SLC35F1: variants seen among roughly 807,000 people sequenced by gnomAD.
SLC35F1 encodes solute carrier family 35 member F1.
A neutral mutation model predicts 48.7 loss-of-function variants in SLC35F1; 14 were observed. The ratio of observed to expected loss-of-function variants is 0.29; its 90% CI spans 0.19 to 0.45. The LOEUF is 0.45. SLC35F1 is among the 20% of genes least tolerant of loss of function. SLC35F1 has a pLI of 1.00. For missense variants in SLC35F1, 404 were observed against 500.0 expected (o/e 0.81, Z 1.83); for synonymous variants, 190 against 202.2 (o/e 0.94, Z 0.51).
At chr6:117,960,357 A>C (rs908893200) in intron 1 of SLC35F1, among the ~76,000 whole-genome samples, 2 of 151,742 alleles carry the variant, frequency 1.3e-5, no homozygotes, top group African/African-American at 4.8e-5. Context: ...AGAAATATGC[A>C]CATCTCACAT....
chr6:117,947,668 A>G (rs530139303), intron 1 of SLC35F1, among the ~76,000 whole-genome samples: 1 of 152,288 alleles, frequency 6.6e-6, no homozygotes, highest in East Asian at 1.9e-4. Context: ...AGTATGAGAC[A>G]AGAAGTGTTA....
At chr6:117,996,306 A>G (rs1776988627) in intron 1 of SLC35F1, among the ~76,000 whole-genome samples, 1 of 152,236 alleles carries the variant, frequency 6.6e-6, no homozygotes, top group African/African-American at 2.4e-5. Flanking sequence ...GTGCTAAATA[A>G]GAATTTCTTG....
intron 1 of SLC35F1, among the ~76,000 whole-genome samples, chr6:118,018,169 G>C (rs1777346853): frequency 6.6e-6 from 1 of 152,142 alleles, no homozygotes; most frequent in Non-Finnish European, 1.5e-5. Flanking sequence ...TCAGGAGTTT[G>C]AGACCTGCCT....
chr6:117,923,748 T>TAC lies in SLC35F1; in HGVS notation c.173+15851_173+15852dup, dbSNP rs1201497918. Among the ~76,000 whole-genome samples the TAC allele has an allele frequency of 3.2e-4, 21 of 65,078 alleles. 2 individuals are homozygous for TAC. Among genetic ancestry groups the TAC allele is most frequent in the Admixed American group, 1.5e-3 (6 of 4,086 alleles). 42.7% of individuals were successfully genotyped at this position (65,078 alleles called of 152,430 possible). On this transcript the variant is annotated intron_variant, in intron 1 of 7. Transcript: ENST00000360388. ...ATACATATGTATATATACATATATG[T>TAC]ACATATATACATATGCACATACATA...
intron 3 of SLC35F1, among the ~76,000 whole-genome samples, chr6:118,242,809 T>C (rs1003929400): frequency 2.0e-5 from 3 of 152,202 alleles, no homozygotes; most frequent in African/African-American, 7.2e-5. Context: ...TCAAACACGA[T>C]AGTTTGGTAA....
At chr6:117,911,066 G>A (rs191503732) in intron 1 of SLC35F1, among the ~76,000 whole-genome samples, 144 of 152,250 alleles carry the variant, frequency 9.5e-4, no homozygotes, top group African/African-American at 3.4e-3. Context: ...TGTCGAGTTG[G>A]ATTGCTGCAT....
chr6:118,266,819 C>A (rs1775779454), intron 3 of SLC35F1, among the ~76,000 whole-genome samples, 176 bp from the exon 4 acceptor site: 2 of 152,148 alleles, frequency 1.3e-5, no homozygotes, highest in South Asian at 4.1e-4. Context: ...ATAAATAAAG[C>A]TAATTTCCAT....
intron 3 of SLC35F1, among the ~76,000 whole-genome samples, chr6:118,246,583 C>G (rs142761162): frequency 6.6e-6 from 1 of 152,042 alleles, no homozygotes; most frequent in East Asian, 1.9e-4. Flanking sequence ...ATGAATCTGA[C>G]GATAAAGCAG....
intron 2 of SLC35F1, among the ~76,000 whole-genome samples, chr6:118,197,165 T>C (rs1490304290): frequency 6.6e-6 from 1 of 152,228 alleles, no homozygotes; most frequent in Non-Finnish European, 1.5e-5. Flanking sequence ...TTAGTTATTT[T>C]GCCTAGCAAT....
At chr6:118,013,850 C>G (rs962582093) in intron 1 of SLC35F1, among the ~76,000 whole-genome samples, 1 of 151,942 alleles carries the variant, frequency 6.6e-6, no homozygotes, top group African/African-American at 2.4e-5. Flanking sequence ...TGCTTTTTTT[C>G]CCCCACTTAC....
intron 1 of SLC35F1, among the ~76,000 whole-genome samples, chr6:118,083,850 T>C (rs941178172): frequency 2.6e-5 from 4 of 152,216 alleles, no homozygotes; most frequent in Non-Finnish European, 5.9e-5. Flanking sequence ...GCTTCACAAA[T>C]GCAAACTGTC....
intron 1 of SLC35F1, among the ~76,000 whole-genome samples, chr6:117,983,171 A>G (rs892419566): frequency 1.3e-5 from 2 of 152,208 alleles, no homozygotes; most frequent in Non-Finnish European, 2.9e-5. Flanking sequence ...TAGACTTGTC[A>G]TTGTATTCCC....
At chr6:117,907,943 G>A (rs1431142217) in intron 1 of SLC35F1, 44 bp downstream of exon 1, 1 of 1,294,474 alleles carries the variant, frequency 7.7e-7, no homozygotes, top group Non-Finnish European at 9.7e-7. Context: ...CGGGGGCTGC[G>A]GGCGCCCGGC....
intron 2 of SLC35F1, among the ~76,000 whole-genome samples, chr6:118,231,683 G>A (rs1433036502): frequency 6.6e-6 from 1 of 152,166 alleles, no homozygotes; most frequent in East Asian, 1.9e-4. Flanking sequence ...GAATGGCAAG[G>A]CAACTAATCA....
intron 1 of SLC35F1, among the ~76,000 whole-genome samples, chr6:117,937,016 A>G (rs1582573310): frequency 7.1e-6 from 1 of 140,922 alleles, no homozygotes; most frequent in African/African-American, 3.3e-5. Context: ...CATCATAACA[A>G]TGGATGCCAG....
At chr6:117,936,411 A>G (rs981368381) in intron 1 of SLC35F1, among the ~76,000 whole-genome samples, 1 of 152,148 alleles carries the variant, frequency 6.6e-6, no homozygotes, top group Non-Finnish European at 1.5e-5. Context: ...TTACTGGCCC[A>G]CTTCCCTAGG....
intron 2 of SLC35F1, among the ~76,000 whole-genome samples, chr6:118,230,232 C>T (rs548535238): frequency 1.3e-4 from 19 of 151,858 alleles, no homozygotes; most frequent in Admixed American, 1.2e-3. Context: ...CCCAGCCACT[C>T]GGGAGGCTGA....
intron 1 of SLC35F1, among the ~76,000 whole-genome samples, chr6:118,063,385 T>C (rs1000868005): frequency 2.0e-5 from 3 of 151,468 alleles, no homozygotes; most frequent in Non-Finnish European, 4.4e-5. Flanking sequence ...GAATTTCCTA[T>C]GGTTAAGGCA....
chr6:117,918,614 A>T (rs1775856680), intron 1 of SLC35F1, among the ~76,000 whole-genome samples: 1 of 152,154 alleles, frequency 6.6e-6, no homozygotes. Context: ...CATTTCGAAG[A>T]GTAAGAAAGG....
Sources: allele counts gnomAD v4.1 joint callset (sites outside exome capture counted in the v4.1 genomes callset), GRCh38; gene constraint gnomAD v4.1.1; transcripts MANE v1.5; gene names NCBI Gene and HGNC (gene_info 2026-07-23, HGNC 2026-07-21).